ZFYVE16: variants seen among roughly 807,000 people sequenced by gnomAD.
ZFYVE16 encodes the protein zinc finger FYVE domain-containing protein 16.
ZFYVE16 carries 89 observed loss-of-function variants against 138.1 expected under a neutral mutation model. That is an observed-to-expected ratio of 0.64 (90% CI 0.54 to 0.77). ZFYVE16 has a LOEUF of 0.77. Among genes scored for constraint, ZFYVE16 ranks in the 30% least tolerant of loss-of-function variants. ZFYVE16 has a pLI of 0.00. For missense variants in ZFYVE16, 1,793 were observed against 1,786.7 expected (o/e 1.00, Z -0.06); for synonymous variants, 596 against 618.3 (o/e 0.96, Z 0.53).
intron 5 of ZFYVE16, chr5:80,440,659 T>G (rs1580232451): frequency 1.5e-6 from 1 of 674,356 alleles, no homozygotes; most frequent in Non-Finnish European, 1.7e-6. Flanking sequence ...TTCTCACAGG[T>G]GTGTGTGTGT....
At chr5:80,411,679 G>T (rs1218123828) in intron 1 of ZFYVE16, 3 of 152,198 alleles carry the variant, frequency 2.0e-5, no homozygotes, top group Non-Finnish European at 4.4e-5. Context: ...TGTGTTGCCA[G>T]TTCCCAAATC....
chr5:80,456,319 A>G lies in ZFYVE16; in HGVS notation c.3691-142A>G, dbSNP rs1752524992. 6 of 606,376 alleles carry G rather than the reference A, an allele frequency of 9.9e-6. No homozygotes were observed. The South Asian group carries it at 1.5e-4, about 15-fold the overall frequency. 37.6% of individuals were successfully genotyped at this position (606,376 alleles called of 1,614,324 possible). A position where few individuals can be genotyped will look rare whatever the true frequency, so the allele number is the denominator to read the frequency against. On this transcript the variant is annotated intron_variant, in intron 12 of 18. Transcript: ENST00000505560. ...TATTTTGGAAGTTCTGTAACTAGAA[A>G]GTTACCCTAAATACTACAAAGTTTT...
At chr5:80,417,473 G>A (rs1456087133) in intron 1 of ZFYVE16, among the ~76,000 whole-genome samples, 1 of 152,140 alleles carries the variant, frequency 6.6e-6, no homozygotes, top group Non-Finnish European at 1.5e-5. Flanking sequence ...ACCCTAAAAA[G>A]TCTGTGCTTC....
At position 80,438,775 on chromosome 5, in the gene ZFYVE16, C is replaced by G. The variant is rs756780994; in HGVS notation, c.2090C>G (p.Pro697Arg). 1.2e-6 allele frequency: 2 copies of G among 1,614,088 alleles called. No homozygotes were observed. The highest frequency in any genetic ancestry group is 3.3e-5 in the Admixed American group (2 of 60,004). The change falls in exon 4 of 19, where the codon CCA becomes CGA. Residue 697 changes from proline (P) to arginine (R), a missense_variant. Physicochemically the swap from Pro to Arg is moderately radical, Grantham distance 103. Transcript: ENST00000505560. ...TGTGCTATAGATTCTACAGCTGATC[C>G]ACAGGTTAGCTTCAACTCTAATTAC... is the stretch of plus-strand genomic sequence containing the variant. ...ITCAIDSTAD[P>R]QVSFNSNYID...
chr5:80,450,483 A>G lies in ZFYVE16; in HGVS notation c.3279A>G (p.Gly1093=). 6.2e-7 allele frequency: 1 copy of G among 1,613,670 alleles called. No individual in the cohort carries two copies. The highest frequency in any genetic ancestry group is 2.2e-5 in the East Asian group (1 of 44,764). Residue 1093 remains glycine, a synonymous_variant, in exon 10 of 19, where the codon GGA becomes GGG. Coordinates refer to ENST00000505560, the MANE Select transcript of ZFYVE16 (RefSeq NM_001284236.3). The stretch of plus-strand genomic sequence containing the variant: ...CAACCAATGGATTGCATGGCTTGGG[A>G]CAGGCAGAAATTATTATTCTATTGT... The part of the protein sequence containing the change: ...YFSTNGLHGL[G]QAEIIILLLC...
intron 1 of ZFYVE16, among the ~76,000 whole-genome samples, chr5:80,426,649 A>T (rs556265154): frequency 6.6e-6 from 1 of 152,280 alleles, no homozygotes; most frequent in African/African-American, 2.4e-5. Context: ...TTATGACCAC[A>T]TAGTATTCTA....
rs750492979 is a variant in ZFYVE16, at chr5:80,448,302, CT to C, written c.3002del (p.Leu1001ArgfsTer37). On this transcript the variant is annotated frameshift_variant, in exon 8 of 19. Transcript: ENST00000505560. LOFTEE classifies it high-confidence loss of function. ...PIASISDYRL[L>X]CDINKYVCNK... is the part of the protein sequence containing the mutation. ...TGCTAGTATTTCAGATTATAGGTTA[CT>C]GTGTGATATTAACAAGTATGTCTGC... The C allele has an allele frequency of 5.6e-6, 9 of 1,612,916 alleles. No individual in the cohort carries two copies. In the South Asian group the frequency reaches 8.8e-5, roughly 16 times the overall value.
rs1489387817 is a variant in ZFYVE16 at position 80,439,959 on chromosome 5, T to C, written c.2346T>C (p.Asn782=). The C allele has an allele frequency of 2.5e-6, 4 of 1,610,376 alleles. 1 individual carries two copies. In the South Asian group the frequency reaches 4.4e-5, roughly 18 times the overall value. ...AGGTATTTTGTGGTGTCTGTTGTAA[T>C]AGGAAGTGTAAACTGCAATATCTAG... is the stretch of plus-strand genomic sequence containing the variant. ...CGKVFCGVCC[N]RKCKLQYLEK... is the part of the protein sequence containing the mutation. Residue 782 remains asparagine (N), a synonymous_variant, in exon 5 of 19, where the codon AAT becomes AAC. Transcript: ENST00000505560.
chr5:80,444,039 A>G lies in ZFYVE16; in HGVS notation c.2581+755A>G, dbSNP rs573236623. 48 of 318,456 alleles carry G rather than the reference A, an allele frequency of 1.5e-4. 1 individual carries two copies. In the East Asian group the frequency reaches 3.3e-3, roughly 22 times the overall value. 19.7% of individuals were successfully genotyped at this position (318,456 alleles called of 1,614,324 possible). ...TTTGAGTTGTCTGTTCTTTTTTACAACCTGTCATCAATTAGCATCTTGGGT... is the reference window on the plus strand; with the variant it reads ...TTTGAGTTGTCTGTTCTTTTTTACAGCCTGTCATCAATTAGCATCTTGGGT... On this transcript the variant is annotated intron_variant, in intron 6 of 18. Transcript: ENST00000505560.
intron 14 of ZFYVE16, among the ~76,000 whole-genome samples, chr5:80,458,502 T>G (rs912931991): frequency 6.6e-6 from 1 of 152,236 alleles, no homozygotes; most frequent in African/African-American, 2.4e-5. Flanking sequence ...CCTTGTTTTT[T>G]TTGTTGTTGT....
chr5:80,426,765 T>C (rs1387806015), intron 1 of ZFYVE16, among the ~76,000 whole-genome samples: 2 of 152,206 alleles, frequency 1.3e-5, no homozygotes, highest in South Asian at 2.1e-4. Flanking sequence ...TGTATCTTTA[T>C]AATAGAATGA....
chr5:80,422,627 T>G lies in ZFYVE16; in HGVS notation c.-93-4865T>G, dbSNP rs541628723. On this transcript the variant is annotated intron_variant, in intron 1 of 18. Transcript: ENST00000505560. ...CCGCCACCATGCCAGGCTAATTTTT[T>G]TATTTTTAGTAGAGATGGGGTTTCA... is the stretch of plus-strand genomic sequence containing the variant. 6.3e-3 allele frequency among the ~76,000 whole-genome samples: 950 copies of G among 151,948 alleles called. 10 individuals carry two copies. Among genetic ancestry groups the G allele is most frequent in the African/African-American group, 0.021 (879 of 41,468 alleles).
chr5:80,472,417 C>T (rs189346134), intron 15 of ZFYVE16, among the ~76,000 whole-genome samples: 52 of 151,888 alleles, frequency 3.4e-4, no homozygotes, highest in African/African-American at 1.2e-3. Flanking sequence ...TTCAGTTTCC[C>T]TCTAGGGATC....
At position 80,481,677 on chromosome 5, in the gene ZFYVE16, A is replaced by C. The variant is rs575235413; in HGVS notation, c.*4300A>C. On this transcript the variant is annotated 3_prime_UTR_variant, in exon 19 of 19. Transcript: ENST00000505560. The stretch of plus-strand genomic sequence containing the variant: ...GGATAGAGAATATCATAATATTCCA[A>C]ATATATCCCAGAAACAACCCAAAAT... 1.3e-5 allele frequency among the ~76,000 whole-genome samples: 2 copies of C among 152,334 alleles called. No individual in the cohort carries two copies. The highest frequency in any genetic ancestry group is 2.1e-4 in the South Asian group (1 of 4,832).
chr5:80,431,110 C>G (rs1561256189), intron 2 of ZFYVE16, among the ~76,000 whole-genome samples: 2 of 152,154 alleles, frequency 1.3e-5, no homozygotes, highest in Non-Finnish European at 2.9e-5. Context: ...CATCCTGATA[C>G]CAAAGCCTGG....
intron 15 of ZFYVE16, among the ~76,000 whole-genome samples, chr5:80,461,503 C>A (rs182912608): frequency 6.6e-6 from 1 of 152,312 alleles, no homozygotes; most frequent in Non-Finnish European, 1.5e-5. Flanking sequence ...TAACAAAATA[C>A]AACAGATTGA....
At chr5:80,465,619 G>C (rs912477284) in intron 15 of ZFYVE16, among the ~76,000 whole-genome samples, 2 of 151,446 alleles carry the variant, frequency 1.3e-5, no homozygotes, top group African/African-American at 4.8e-5. Context: ...GTGTTGCCCA[G>C]GCTGGTCTGA....
At position 80,478,474 on chromosome 5, in the gene ZFYVE16, C is replaced by G. The variant is rs1274627449; in HGVS notation, c.*1097C>G. On this transcript the variant is annotated 3_prime_UTR_variant, in exon 19 of 19. Transcript: ENST00000505560. ...AAATCCTATGTATTTGAAATTGTTA[C>G]AGAGCTTTCCTCTTTACTTCAAACA... 1 of 152,036 alleles carries G rather than the reference C, an allele frequency of 6.6e-6. No homozygotes were observed. The highest frequency in any genetic ancestry group is 2.4e-5 in the African/African-American group (1 of 41,432). The allele number at this position is 152,036 out of a possible 1,614,324, so 9.4% of individuals were successfully genotyped here. A position where few individuals can be genotyped will look rare whatever the true frequency, so the allele number is the denominator to read the frequency against.
rs747765215 is a variant in ZFYVE16, at chr5:80,467,048, G to C, written c.4025-5713G>C. On this transcript the variant is annotated intron_variant, in intron 15 of 18. Transcript: ENST00000505560. ...ACAGTTGTCATTATTTGACTTCTCA[G>C]GTGGTTCCCTGGAAGACCCTACTTA... is the stretch of plus-strand genomic sequence containing the variant. 6.4e-4 allele frequency among the ~76,000 whole-genome samples: 98 copies of C among 152,146 alleles called. 2 individuals carry two copies. The highest frequency in any genetic ancestry group is 5.9e-4 in the Admixed American group (9 of 15,272).
Sources: allele counts gnomAD v4.1 joint callset (sites outside exome capture counted in the v4.1 genomes callset), GRCh38; gene constraint gnomAD v4.1.1; transcripts MANE v1.5; gene names NCBI Gene and HGNC (gene_info 2026-07-23, HGNC 2026-07-21).